PTPRD: variants seen among roughly 807,000 people sequenced by gnomAD.
PTPRD encodes the protein protein tyrosine phosphatase receptor type D, also known as receptor-type tyrosine-protein phosphatase delta.
Under a neutral mutation model 214.5 loss-of-function variants are expected in PTPRD, and 34 were observed. The observed-to-expected ratio is 0.16, with a 90% CI of 0.12 to 0.21. The LOEUF is 0.21. Ranked by LOEUF, PTPRD falls within the 10% of genes least tolerant of loss-of-function variation. The pLI, the probability that PTPRD is intolerant of heterozygous loss-of-function variation, is 1.00. For synonymous variants in PTPRD, 1,128 were observed against 845.7 expected, an observed-to-expected ratio of 1.33 and a Z score of -5.79; for missense variants, 2,545 against 2,398.7, an observed-to-expected ratio of 1.06 and a Z score of -1.27.
chr9:9,688,103 CTG>C (rs1480244291), intron 7 of PTPRD, among the ~76,000 whole-genome samples: 1 of 151,812 alleles, frequency 6.6e-6, no homozygotes, highest in Non-Finnish European at 1.5e-5. Context: ...TCTGCCACGA[CTG>C]TAAGTTTCCT....
At chr9:9,575,210 A>G (rs1048102010) in intron 7 of PTPRD, among the ~76,000 whole-genome samples, 3 of 152,150 alleles carry the variant, frequency 2.0e-5, no homozygotes, top group Non-Finnish European at 2.9e-5. Flanking sequence ...CGTACTTTTT[A>G]TCTTAGCTTT....
At chr9:8,646,867 T>C (rs2154340470) in intron 12 of PTPRD, among the ~76,000 whole-genome samples, 1 of 152,300 alleles carries the variant, frequency 6.6e-6, no homozygotes, top group South Asian at 2.1e-4. Flanking sequence ...GTAAAGGCTG[T>C]CCCAGATACT....
intron 5 of PTPRD, among the ~76,000 whole-genome samples, chr9:9,919,259 C>G (rs901442671): frequency 6.6e-6 from 1 of 151,960 alleles, no homozygotes; most frequent in Non-Finnish European, 1.5e-5. Context: ...TTTCAGGACC[C>G]TATTACCTTG....
intron 5 of PTPRD, among the ~76,000 whole-genome samples, chr9:9,921,323 T>G (rs1365285339): frequency 6.6e-6 from 1 of 152,052 alleles, no homozygotes; most frequent in Non-Finnish European, 1.5e-5. Context: ...TAATACATAG[T>G]AAAATAGAAA....
At chr9:9,875,377 C>G (rs4354367) in intron 5 of PTPRD, among the ~76,000 whole-genome samples, 76 of 151,764 alleles carry the variant, frequency 5.0e-4, no homozygotes, top group Non-Finnish European at 3.4e-4. Flanking sequence ...GGCTCAAAAA[C>G]AAAAATAAAA....
intron 7 of PTPRD, among the ~76,000 whole-genome samples, chr9:9,657,057 TTAA>T (rs1245084830): frequency 6.6e-6 from 1 of 152,114 alleles, no homozygotes; most frequent in Non-Finnish European, 1.5e-5. Flanking sequence ...ACTTGAATAG[TTAA>T]TAATGTTAAA....
intron 4 of PTPRD, among the ~76,000 whole-genome samples, chr9:9,947,655 CCATGG>C: frequency 1.1e-5 from 1 of 87,404 alleles, no homozygotes; most frequent in South Asian, 3.0e-4. Flanking sequence ...TATATATACA[CCATGG>C]CATGTAGGTA....
intron 9 of PTPRD, among the ~76,000 whole-genome samples, chr9:9,304,041 T>C (rs1254628459): frequency 3.3e-5 from 5 of 152,174 alleles, no homozygotes; most frequent in Non-Finnish European, 7.4e-5. Flanking sequence ...TTTTAGCTAT[T>C]GCTACTAATT....
chr9:10,208,398 C>T (rs1243860731), intron 3 of PTPRD, among the ~76,000 whole-genome samples: 1 of 152,164 alleles, frequency 6.6e-6, no homozygotes, highest in Non-Finnish European at 1.5e-5. Flanking sequence ...CCTGTAGTCC[C>T]AGCTACTCGG....
intron 4 of PTPRD, among the ~76,000 whole-genome samples, chr9:9,961,460 G>A (rs1004481718): frequency 2.0e-5 from 3 of 152,012 alleles, no homozygotes; most frequent in Admixed American, 6.6e-5. Context: ...TGATAAAGTC[G>A]GCTCATTTGC....
chr9:9,486,636 T>A (rs1407643178), intron 8 of PTPRD, among the ~76,000 whole-genome samples: 1 of 152,134 alleles, frequency 6.6e-6, no homozygotes, highest in Non-Finnish European at 1.5e-5. Flanking sequence ...TCAAACCATA[T>A]TCCGTCTACA....
intron 3 of PTPRD, among the ~76,000 whole-genome samples, chr9:10,067,977 G>A (rs905423054): frequency 6.6e-6 from 1 of 151,836 alleles, no homozygotes; most frequent in East Asian, 1.9e-4. Flanking sequence ...TGTGCTAGCT[G>A]ACTCCAGCGC....
intron 11 of PTPRD, among the ~76,000 whole-genome samples, chr9:8,887,709 G>T (rs1178679401): frequency 6.6e-6 from 1 of 152,038 alleles, no homozygotes; most frequent in South Asian, 2.1e-4. Context: ...AAGCAGTAAT[G>T]AAATCTACAC....
At chr9:9,761,779 T>C (rs1040375375) in intron 6 of PTPRD, among the ~76,000 whole-genome samples, 1 of 152,052 alleles carries the variant, frequency 6.6e-6, no homozygotes, top group South Asian at 2.1e-4. Flanking sequence ...TGTCTCCCCT[T>C]CCCCCCACTC....
intron 3 of PTPRD, among the ~76,000 whole-genome samples, chr9:10,315,590 T>C (rs554215726): frequency 1.3e-4 from 20 of 152,060 alleles, no homozygotes; most frequent in African/African-American, 4.8e-4. Flanking sequence ...TCTATGCATG[T>C]TTTAGAGTGT....
chr9:9,896,013 T>C (rs2074867265), intron 5 of PTPRD, among the ~76,000 whole-genome samples: 1 of 152,070 alleles, frequency 6.6e-6, no homozygotes, highest in South Asian at 2.1e-4. Flanking sequence ...TCACAGTTCG[T>C]CTACTGCAAA....
At chr9:10,116,843 G>A (rs185233745) in intron 3 of PTPRD, among the ~76,000 whole-genome samples, 30 of 152,024 alleles carry the variant, frequency 2.0e-4, no homozygotes, top group African/African-American at 7.2e-4. Context: ...ACCCCCAACT[G>A]GGAGCCTTTG....
chr9:9,020,889 A>G (rs1407611480), intron 10 of PTPRD, among the ~76,000 whole-genome samples: 1 of 152,164 alleles, frequency 6.6e-6, no homozygotes, highest in Non-Finnish European at 1.5e-5. Flanking sequence ...TATATCCTCT[A>G]AATAACCAGA....
chr9:10,004,922 G>C lies in PTPRD; in HGVS notation c.-472+28796C>G, dbSNP rs577431003. 2.0e-5 allele frequency among the ~76,000 whole-genome samples: 3 copies of C among 152,214 alleles called. No homozygotes were observed. In the South Asian group the frequency reaches 6.2e-4, roughly 32 times the overall value. On this transcript the variant is annotated intron_variant, in intron 4 of 45. Coordinates refer to ENST00000381196, the MANE Select transcript of PTPRD (RefSeq NM_002839.4). ...GGCTCTAGCAAATTTTTCCAAGTTG[G>C]TGTTTTCTAGCAGAGGGTCTTAAAA...
Sources: gnomAD v4.1 joint callset for allele counts (sites outside exome capture counted in the v4.1 genomes callset) on GRCh38, gnomAD v4.1.1 for gene constraint, MANE v1.5 for transcripts, NCBI Gene and HGNC (gene_info 2026-07-23, HGNC 2026-07-21) for gene names.